The following OSBPL1A variants were observed in gnomAD, a reference collection of about 807,000 sequenced individuals.
OSBPL1A encodes the protein oxysterol-binding protein-related protein 1.
Under a neutral mutation model 137.1 loss-of-function variants are expected in OSBPL1A, and 80 were observed. That is an observed-to-expected ratio of 0.58 (90% confidence interval 0.49 to 0.70). The LOEUF (loss-of-function observed/expected upper bound fraction) is 0.70. Ranked by LOEUF, OSBPL1A falls within the 30% of genes least tolerant of loss-of-function variation. The probability of loss-of-function intolerance (pLI) is 0.00; values close to 1 mark genes in which losing one functional copy is unlikely to be tolerated. For missense variants in OSBPL1A, 970 were observed against 1,129.4 expected (o/e 0.86, Z 2.02); for synonymous variants, 365 against 389.7 (o/e 0.94, Z 0.75).
intron 17 of OSBPL1A, among the ~76,000 whole-genome samples, chr18:24,219,335 T>C (rs1202341097): frequency 2.6e-5 from 4 of 152,116 alleles, no homozygotes; most frequent in African/African-American, 7.2e-5. Context: ...TGGTGGTTTA[T>C]AGATGAAACC....
intron 13 of OSBPL1A, among the ~76,000 whole-genome samples, chr18:24,304,732 T>C (rs1463419793): frequency 6.6e-6 from 1 of 152,176 alleles, no homozygotes; most frequent in Non-Finnish European, 1.5e-5. Context: ...GTAAATACTC[T>C]TTTCTCCTAT....
At chr18:24,222,684 T>TA (rs1225820011) in intron 17 of OSBPL1A, among the ~76,000 whole-genome samples, 1 of 152,114 alleles carries the variant, frequency 6.6e-6, no homozygotes, top group Non-Finnish European at 1.5e-5. Context: ...GTTCCATGGC[T>TA]AAAAAAGAAA....
chr18:24,340,114 T>C (rs2091249045), intron 5 of OSBPL1A, among the ~76,000 whole-genome samples: 1 of 152,200 alleles, frequency 6.6e-6, no homozygotes, highest in Non-Finnish European at 1.5e-5. Context: ...AGTAGAAAAT[T>C]AAAGATCTTC....
Position 24,181,172 on chromosome 18 carries a change from T to C in OSBPL1A, c.1785A>G (p.Ser595=), listed in dbSNP as rs1567925498. The C allele has an allele frequency of 6.2e-7, 1 of 1,613,934 alleles. No individual in the cohort carries two copies. ...EHTYLIHKAS[S]LSDPVERMQC... ...GCATCCTTTCCACAGGATCAGAGAGTGAACTGGCCTTGTGGATGAGGTAAG... is the reference window on the plus strand; with the variant it reads ...GCATCCTTTCCACAGGATCAGAGAGCGAACTGGCCTTGTGGATGAGGTAAG... Residue 595 remains serine (S), a synonymous_variant, in exon 19 of 28, where the codon TCA becomes TCG. Transcript: ENST00000319481.
chr18:24,197,002 G>C (rs1445001601), intron 17 of OSBPL1A, among the ~76,000 whole-genome samples: 3 of 152,180 alleles, frequency 2.0e-5, no homozygotes, highest in Non-Finnish European at 4.4e-5. Flanking sequence ...CAGGAATGAG[G>C]GGTGGTGCAA....
Position 24,218,059 on chromosome 18 carries a change from T to G in OSBPL1A, c.1601+6983A>C, listed in dbSNP as rs563703782. Among the ~76,000 whole-genome samples the G allele has an allele frequency of 3.9e-5, 6 of 152,212 alleles. No individual in the cohort carries two copies. The South Asian group carries it at 8.3e-4, about 21-fold the overall frequency. ...AAGAGGAAACCTGGAGTAAAATGAC[T>G]TAAGAGACATAGAAACCAAAGGCAG... On this transcript the variant is annotated intron_variant, in intron 17 of 27. Coordinates refer to ENST00000319481, the MANE Select transcript of OSBPL1A (RefSeq NM_080597.4).
intron 17 of OSBPL1A, among the ~76,000 whole-genome samples, chr18:24,197,018 G>C (rs978363540): frequency 6.6e-6 from 1 of 152,208 alleles, no homozygotes; most frequent in Non-Finnish European, 1.5e-5. Context: ...TGCAAGAGGT[G>C]CCCAGGCCAA....
intron 17 of OSBPL1A, among the ~76,000 whole-genome samples, chr18:24,197,977 G>A (rs751228009): frequency 4.6e-5 from 7 of 151,598 alleles, no homozygotes; most frequent in Non-Finnish European, 8.8e-5. Flanking sequence ...TAGTAGAGAC[G>A]GGGTTTCACC....
chr18:24,206,475 G>A (rs2145960654), intron 17 of OSBPL1A, among the ~76,000 whole-genome samples: 1 of 152,266 alleles, frequency 6.6e-6, no homozygotes, highest in East Asian at 1.9e-4. Context: ...CAGAGTGAAA[G>A]TGCTGGGACA....
chr18:24,253,174 G>GA (rs113896463), intron 15 of OSBPL1A, among the ~76,000 whole-genome samples: 1 of 131,758 alleles, frequency 7.6e-6, no homozygotes, highest in Non-Finnish European at 1.6e-5. Flanking sequence ...TGGCGGGGGG[G>GA]GGCGCTGAAT....
rs768414378 is a variant in OSBPL1A at position 24,321,641 on chromosome 18, A to G, written c.626-2832T>C. On this transcript the variant is annotated intron_variant, in intron 7 of 27. Transcript: ENST00000319481. Reference sequence around the variant, plus strand: ...TCTATGAGGACGTGGCCCCACAGTAAGTTGAGGAGCACTGGGTATGTATGA... The same window carrying G: ...TCTATGAGGACGTGGCCCCACAGTAGGTTGAGGAGCACTGGGTATGTATGA... The G allele has an allele frequency of 8.0e-6, 4 of 502,328 alleles. No homozygotes were observed. In the Admixed American group the frequency reaches 8.6e-5, roughly 11 times the overall value. The allele number at this position is 502,328 out of a possible 1,614,324, so 31.1% of individuals were successfully genotyped here.
intron 4 of OSBPL1A, 65 bp from the exon 5 acceptor site, chr18:24,341,723 C>A: frequency 9.5e-7 from 1 of 1,057,434 alleles, no homozygotes; most frequent in Non-Finnish European, 1.4e-6. Context: ...CACCCTTTTC[C>A]AAATTACTAA....
At chr18:24,327,872 T>A (rs1024647917) in intron 7 of OSBPL1A, among the ~76,000 whole-genome samples, 1 of 146,370 alleles carries the variant, frequency 6.8e-6, no homozygotes, top group Admixed American at 6.8e-5. Context: ...ACAAGGGAAG[T>A]TTTTTTTTTT....
intron 18 of OSBPL1A, among the ~76,000 whole-genome samples, chr18:24,183,566 G>A (rs1321732021): frequency 6.6e-6 from 1 of 151,686 alleles, no homozygotes; most frequent in Non-Finnish European, 1.5e-5. Flanking sequence ...CTGAGTAGCT[G>A]GAACTACAGG....
intron 15 of OSBPL1A, among the ~76,000 whole-genome samples, chr18:24,239,827 C>G (rs781408996): frequency 6.6e-6 from 1 of 151,968 alleles, no homozygotes; most frequent in Non-Finnish European, 1.5e-5. Context: ...TATAATCCCT[C>G]AGTTTACTCC....
chr18:24,172,689 G>A (rs1046293764), intron 21 of OSBPL1A, among the ~76,000 whole-genome samples: 15 of 152,156 alleles, frequency 9.9e-5, no homozygotes, highest in Middle Eastern at 3.4e-3. Context: ...GGGAGTAACA[G>A]CTTAAGAAAA....
chr18:24,334,110 G>T (rs975157666), intron 6 of OSBPL1A, 135 bp downstream of exon 6: 2 of 574,164 alleles, frequency 3.5e-6, no homozygotes. Flanking sequence ...AAGAACTTTG[G>T]TTCTACTATT....
intron 15 of OSBPL1A, among the ~76,000 whole-genome samples, chr18:24,241,433 A>G (rs886091767): frequency 2.6e-5 from 4 of 152,230 alleles, no homozygotes; most frequent in African/African-American, 9.6e-5. Context: ...ATTTACAAGA[A>G]AAAAACAAAC....
At chr18:24,341,707 C>T in intron 4 of OSBPL1A, 49 bp from the exon 5 acceptor site, 2 of 1,284,644 alleles carry the variant, frequency 1.6e-6, no homozygotes, top group Non-Finnish European at 1.1e-6. Context: ...GATTTTATTG[C>T]ATTACCACCC....
Sources: allele counts gnomAD v4.1 joint callset (sites outside exome capture counted in the v4.1 genomes callset), GRCh38; gene constraint gnomAD v4.1.1; transcripts MANE v1.5; gene names NCBI Gene and HGNC (gene_info 2026-07-23, HGNC 2026-07-21).